FRAS1: variants seen among roughly 807,000 people sequenced by gnomAD.
FRAS1 encodes Fraser extracellular matrix complex subunit 1, also known as extracellular matrix organizing protein FRAS1.
Under a neutral mutation model 435.2 loss-of-function variants are expected in FRAS1, and 290 were observed. The ratio of observed to expected loss-of-function variants is 0.67; its 90% CI spans 0.61 to 0.73. The LOEUF (loss-of-function observed/expected upper bound fraction) is 0.73. Ranked by LOEUF, FRAS1 falls within the 30% of genes least tolerant of loss-of-function variation. The probability of loss-of-function intolerance (pLI) is 0.00; values close to 1 mark genes in which losing one functional copy is unlikely to be tolerated. For missense variants in FRAS1, 4,860 were observed against 5,001.5 expected (o/e 0.97, Z 0.85); for synonymous variants, 1,800 against 1,851.0 (o/e 0.97, Z 0.71).
At chr4:78,488,157 G>A (rs1217902993) in intron 58 of FRAS1, among the ~76,000 whole-genome samples, 6 of 152,204 alleles carry the variant, frequency 3.9e-5, no homozygotes, top group Non-Finnish European at 8.8e-5. Flanking sequence ...GTCATCTATA[G>A]CAGTGGTCAC....
intron 18 of FRAS1, among the ~76,000 whole-genome samples, chr4:78,325,619 A>G (rs1458615806): frequency 1.3e-5 from 2 of 152,228 alleles, no homozygotes; most frequent in African/African-American, 4.8e-5. Flanking sequence ...CTTTTATAGC[A>G]TGGGTGTGCC....
At chr4:78,456,652 G>A (rs1386217731) in intron 47 of FRAS1, among the ~76,000 whole-genome samples, 1 of 152,110 alleles carries the variant, frequency 6.6e-6, no homozygotes, top group East Asian at 1.9e-4. Context: ...TCACCCTTAG[G>A]GTACAAGTTG....
At position 78,393,733 on chromosome 4, in the gene FRAS1, A is replaced by G. The variant is rs540074223; in HGVS notation, c.3975+6032A>G. Among the ~76,000 whole-genome samples, 55 of 152,236 alleles carry G rather than the reference A, an allele frequency of 3.6e-4. 1 individual carries two copies. In the South Asian group the frequency reaches 9.5e-3, roughly 26 times the overall value. ...TACTACAATGAACGTGGAAGTGCAGATAGCTCTTCAACATGCTGATTTCAT... is the reference window on the plus strand; with the variant it reads ...TACTACAATGAACGTGGAAGTGCAGGTAGCTCTTCAACATGCTGATTTCAT... On this transcript the variant is annotated intron_variant, in intron 29 of 73. Transcript: ENST00000512123.
chr4:78,118,048 AG>A (rs1301489989), intron 2 of FRAS1, among the ~76,000 whole-genome samples: 1 of 152,246 alleles, frequency 6.6e-6, no homozygotes, highest in Non-Finnish European at 1.5e-5. Flanking sequence ...TCCTTCTAAC[AG>A]TCAGGACCCT....
chr4:78,442,722 A>G (rs114553192), intron 41 of FRAS1, among the ~76,000 whole-genome samples: 3,943 of 152,292 alleles, frequency 0.026, 172 homozygotes, highest in African/African-American at 0.09. Context: ...TGGTTCTCAA[A>G]CTTTAAGGTG....
At chr4:78,400,648 C>A (rs1732846909) in intron 29 of FRAS1, 86 bp from the exon 30 acceptor site, 2 of 1,336,832 alleles carry the variant, frequency 1.5e-6, no homozygotes, top group Non-Finnish European at 1.0e-6. Flanking sequence ...TCTTTAACAA[C>A]AACAGAACTG....
chr4:78,462,350 G>T (rs1719395842), intron 47 of FRAS1, among the ~76,000 whole-genome samples: 1 of 151,702 alleles, frequency 6.6e-6, no homozygotes, highest in African/African-American at 2.4e-5. Context: ...ACTCCAGCCT[G>T]GGCAACAAAG....
intron 2 of FRAS1, among the ~76,000 whole-genome samples, chr4:78,115,640 A>G (rs1346349946): frequency 6.6e-6 from 1 of 152,006 alleles, no homozygotes; most frequent in Non-Finnish European, 1.5e-5. Context: ...GTATTCTCTG[A>G]TGGTAGTTTG....
At chr4:78,224,141 C>T (rs185392087) in intron 2 of FRAS1, among the ~76,000 whole-genome samples, 3 of 152,242 alleles carry the variant, frequency 2.0e-5, no homozygotes, top group African/African-American at 7.2e-5. Context: ...TGAAAAAAGA[C>T]AGGCTATAGG....
intron 2 of FRAS1, among the ~76,000 whole-genome samples, chr4:78,098,582 T>C (rs1437423752): frequency 6.6e-6 from 1 of 152,104 alleles, no homozygotes; most frequent in Non-Finnish European, 1.5e-5. Context: ...GCAGGATAGA[T>C]CTTGATTCTC....
chr4:78,521,758 CACAT>C, intron 68 of FRAS1, 128 bp downstream of exon 68: 1 of 586,148 alleles, frequency 1.7e-6, no homozygotes. Context: ...CATCCATGTG[CACAT>C]ACATCCATCC....
chr4:78,311,126 A>G lies in FRAS1; in HGVS notation c.1678+2917A>G, dbSNP rs16997242. Among the ~76,000 whole-genome samples the G allele has an allele frequency of 6.6e-4, 100 of 152,288 alleles. 1 individual carries two copies. The highest frequency in any genetic ancestry group is 2.2e-3 in the African/African-American group (92 of 41,564). On this transcript the variant is annotated intron_variant, in intron 15 of 73. Transcript: ENST00000512123. ...AGCTAACATAATAAATCAAAGCATA[A>G]TAAATCAGAGGTTTCTGTTAGTCAT...
At chr4:78,537,329 G>GTTT (rs1721915963) in intron 72 of FRAS1, 129 bp downstream of exon 72, 1 of 885,930 alleles carries the variant, frequency 1.1e-6, no homozygotes, top group East Asian at 2.7e-5. Context: ...TTGTGTTGTT[G>GTTT]TTTCTTTCAG....
intron 70 of FRAS1, among the ~76,000 whole-genome samples, chr4:78,528,152 G>A (rs922179409): frequency 5.9e-5 from 9 of 152,132 alleles, no homozygotes; most frequent in African/African-American, 2.2e-4. Flanking sequence ...TGAGAAGAGA[G>A]GAGGAAAGAA....
At chr4:78,319,472 G>C (rs932384316) in intron 18 of FRAS1, 2 of 456,396 alleles carry the variant, frequency 4.4e-6, no homozygotes, top group Non-Finnish European at 8.8e-6. Context: ...TCAATAGCCA[G>C]GCCATCTATG....
chr4:78,122,768 A>G (rs1719104629), intron 2 of FRAS1, among the ~76,000 whole-genome samples: 1 of 152,204 alleles, frequency 6.6e-6, no homozygotes, highest in Admixed American at 6.5e-5. Flanking sequence ...GGCTGCATAA[A>G]TATCTTCTTT....
intron 23 of FRAS1, 98 bp from the exon 24 acceptor site, chr4:78,372,620 T>A: frequency 6.9e-7 from 1 of 1,446,110 alleles, no homozygotes; most frequent in Non-Finnish European, 9.6e-7. Flanking sequence ...TTGTCCTTAT[T>A]TTACTCCTTG....
chr4:78,261,702 A>G (rs1353345736), intron 6 of FRAS1, among the ~76,000 whole-genome samples: 2 of 152,156 alleles, frequency 1.3e-5, no homozygotes, highest in East Asian at 3.9e-4. Context: ...TTTCCCCAGT[A>G]TGTTATCATT....
chr4:78,137,081 A>G (rs1029922549), intron 2 of FRAS1, among the ~76,000 whole-genome samples: 2 of 152,228 alleles, frequency 1.3e-5, no homozygotes, highest in Admixed American at 6.5e-5. Flanking sequence ...TTAATGCTAC[A>G]TCTCAAAATC....
Sources: gnomAD v4.1 joint callset for allele counts (sites outside exome capture counted in the v4.1 genomes callset) on GRCh38, gnomAD v4.1.1 for gene constraint, MANE v1.5 for transcripts, NCBI Gene and HGNC (gene_info 2026-07-23, HGNC 2026-07-21) for gene names.